AGBL1: variants seen among roughly 807,000 people sequenced by gnomAD.
The protein encoded by AGBL1 is AGBL carboxypeptidase 1, also known as cytosolic carboxypeptidase 4.
AGBL1 carries 130 observed loss-of-function variants against 118.9 expected under a neutral mutation model. The observed-to-expected ratio is 1.09, with a 90% CI of 0.95 to 1.26. The LOEUF (loss-of-function observed/expected upper bound fraction) is 1.26. Among genes scored for constraint, AGBL1 ranks in the 50% most tolerant of loss-of-function variants. AGBL1 has a pLI of 0.00. For missense variants in AGBL1, 1,584 were observed against 1,298.1 expected (o/e 1.22, Z -3.38); for synonymous variants, 555 against 478.9 (o/e 1.16, Z -2.08).
At chr15:86,547,897 G>A (rs2083607327) in intron 20 of AGBL1, among the ~76,000 whole-genome samples, 1 of 152,148 alleles carries the variant, frequency 6.6e-6, no homozygotes, top group South Asian at 2.1e-4. Context: ...GTAGTGAAGT[G>A]AATATGGTTT....
chr15:86,415,645 T>A (rs2142016223), intron 18 of AGBL1, among the ~76,000 whole-genome samples: 1 of 152,280 alleles, frequency 6.6e-6, no homozygotes, highest in Admixed American at 6.5e-5. Context: ...CATTTTTAGT[T>A]CATTGTCAAA....
At chr15:86,581,182 G>A (rs1257215507) in intron 21 of AGBL1, among the ~76,000 whole-genome samples, 7 of 152,160 alleles carry the variant, frequency 4.6e-5, no homozygotes, top group South Asian at 2.1e-4. Context: ...CATGGTCAAC[G>A]TGAGAAGTTG....
At chr15:86,154,228 A>G (rs2077157127) in intron 3 of AGBL1, among the ~76,000 whole-genome samples, 1 of 152,140 alleles carries the variant, frequency 6.6e-6, no homozygotes. Context: ...TTCCATGTAA[A>G]TATGTGTAGC....
At position 86,895,028 on chromosome 15, in the gene AGBL1, T is replaced by G. The variant is rs182662084; in HGVS notation, c.3159-12059T>G. ...CATCTAACAACAGTGTTTCATCTTT[T>G]CATATCCATCCCCTTTTGTTCCTTC... On this transcript the variant is annotated intron_variant, in intron 22 of 22. Transcript: ENST00000614907. Among the ~76,000 whole-genome samples, 277 of 149,394 alleles carry G rather than the reference T, an allele frequency of 1.9e-3. 1 individual carries two copies. Among genetic ancestry groups the G allele is most frequent in the Admixed American group, 4.2e-3 (58 of 13,874 alleles).
chr15:86,112,561 G>C (rs984851030), intron 1 of AGBL1, among the ~76,000 whole-genome samples: 1 of 152,204 alleles, frequency 6.6e-6, no homozygotes, highest in African/African-American at 2.4e-5. Flanking sequence ...AAGTGATGAG[G>C]ATCTTCGCAA....
chr15:86,669,117 G>A (rs1038844724), intron 21 of AGBL1, among the ~76,000 whole-genome samples: 2 of 152,030 alleles, frequency 1.3e-5, no homozygotes, highest in Non-Finnish European at 2.9e-5. Flanking sequence ...AAAAAGTTTA[G>A]CATTTTAAAA....
At chr15:86,247,979 A>C in intron 7 of AGBL1, 100 bp downstream of exon 7, 13 of 1,434,362 alleles carry the variant, frequency 9.1e-6, no homozygotes, top group Non-Finnish European at 1.3e-5. Context: ...GGAACGCCTC[A>C]GTCTATTTCT....
chr15:86,408,980 G>A (rs1385472489), intron 18 of AGBL1, among the ~76,000 whole-genome samples: 1 of 152,118 alleles, frequency 6.6e-6, no homozygotes, highest in African/African-American at 2.4e-5. Context: ...TATAGGAATA[G>A]TTTAATCTCA....
At chr15:86,723,571 G>C (rs954131604) in intron 22 of AGBL1, among the ~76,000 whole-genome samples, 7 of 151,904 alleles carry the variant, frequency 4.6e-5, no homozygotes, top group Non-Finnish European at 7.4e-5. Flanking sequence ...CGAGTTAATG[G>C]GTGCAGCACA....
intron 22 of AGBL1, among the ~76,000 whole-genome samples, chr15:86,812,792 T>C (rs2078808503): frequency 6.6e-6 from 1 of 152,126 alleles, no homozygotes; most frequent in South Asian, 2.1e-4. Flanking sequence ...TGCACTATGC[T>C]AGATAAAAAC....
intron 7 of AGBL1, among the ~76,000 whole-genome samples, chr15:86,252,170 C>T (rs1025145729): frequency 6.6e-6 from 1 of 152,156 alleles, no homozygotes; most frequent in Non-Finnish European, 1.5e-5. Context: ...CTTTGAGAAC[C>T]ACTGGAATAA....
In AGBL1 at chr15:86,371,800, G is replaced by A. The variant is rs145455968; in HGVS notation, c.2375-25566G>A. Among the ~76,000 whole-genome samples the A allele has an allele frequency of 7.7e-4, 118 of 152,262 alleles. 1 individual carries two copies. Among genetic ancestry groups the A allele is most frequent in the African/African-American group, 2.6e-3 (108 of 41,556 alleles). On this transcript the variant is annotated intron_variant, in intron 17 of 22. Coordinates refer to ENST00000614907, the MANE Select transcript of AGBL1 (RefSeq NM_001386094.1). Reference sequence around the variant, plus strand: ...TGAGGGGAAAGGCTAAGGCAACAACGCTGCCTCTTTCCACCCTTTGTAATG... The same window carrying A: ...TGAGGGGAAAGGCTAAGGCAACAACACTGCCTCTTTCCACCCTTTGTAATG...
At chr15:86,203,633 C>T (rs550169312) in intron 5 of AGBL1, among the ~76,000 whole-genome samples, 2 of 152,304 alleles carry the variant, frequency 1.3e-5, no homozygotes, top group Admixed American at 6.5e-5. Context: ...TGGACTGTGG[C>T]TACCTTTACT....
In AGBL1 at chr15:86,234,525, TG is replaced by T. The variant is rs1181869068; in HGVS notation, c.526+9577del. On this transcript the variant is annotated intron_variant, in intron 6 of 22. Transcript: ENST00000614907. ...AAGATCACACCACTGCACTCCAGCC[TG>T]GGCGACAGAGTGAGACTCTATCTCA... is the stretch of plus-strand genomic sequence containing the variant. Among the ~76,000 whole-genome samples, 116 of 131,260 alleles carry T rather than the reference TG, an allele frequency of 8.8e-4. 1 individual carries two copies. The highest frequency in any genetic ancestry group is 1.1e-3 in the Admixed American group (12 of 10,996). 86.1% of individuals were successfully genotyped at this position (131,260 alleles called of 152,430 possible).
chr15:86,485,070 A>G lies in AGBL1; in HGVS notation c.2556-37740A>G, dbSNP rs548046173. Among the ~76,000 whole-genome samples the G allele has an allele frequency of 2.7e-4, 41 of 152,256 alleles. 1 individual carries two copies. The South Asian group carries it at 7.5e-3, about 28-fold the overall frequency. The stretch of plus-strand genomic sequence containing the variant: ...AAGAGCAGAGCACATCCAGCCAAAC[A>G]AAGCAGCATCTCAATCCCTGAACAG... On this transcript the variant is annotated intron_variant, in intron 18 of 22. Coordinates refer to ENST00000614907, the MANE Select transcript of AGBL1 (RefSeq NM_001386094.1).
intron 5 of AGBL1, among the ~76,000 whole-genome samples, chr15:86,168,221 A>T (rs989868886): frequency 3.9e-5 from 6 of 152,288 alleles, no homozygotes; most frequent in East Asian, 1.9e-4. Flanking sequence ...GATTAATGTG[A>T]TCATGGGGGG....
chr15:86,638,370 G>A (rs573882814), intron 21 of AGBL1, among the ~76,000 whole-genome samples: 11 of 152,270 alleles, frequency 7.2e-5, no homozygotes, highest in African/African-American at 2.2e-4. Flanking sequence ...CCAAGGAAGC[G>A]ATGTGCTGCA....
At chr15:86,337,073 G>A (rs1197611011) in intron 17 of AGBL1, among the ~76,000 whole-genome samples, 1 of 152,036 alleles carries the variant, frequency 6.6e-6, no homozygotes, top group Non-Finnish European at 1.5e-5. Flanking sequence ...TGAAGCATTA[G>A]ATGGACACAC....
chr15:86,492,035 A>G (rs1334247380), intron 18 of AGBL1, among the ~76,000 whole-genome samples: 2 of 152,074 alleles, frequency 1.3e-5, no homozygotes, highest in African/African-American at 4.8e-5. Context: ...TGGATGAGAG[A>G]TGGAGACTTA....
Sources: allele counts gnomAD v4.1 joint callset (sites outside exome capture counted in the v4.1 genomes callset), GRCh38; gene constraint gnomAD v4.1.1; transcripts MANE v1.5; gene names NCBI Gene and HGNC (gene_info 2026-07-23, HGNC 2026-07-21).